TUT4: variants seen among roughly 807,000 people sequenced by gnomAD.
TUT4 encodes terminal uridylyltransferase 4.
A neutral mutation model predicts 192.2 loss-of-function variants in TUT4; 36 were observed. The ratio of observed to expected loss-of-function variants is 0.19; its 90% CI spans 0.14 to 0.25. The LOEUF is 0.25. Ranked by LOEUF, TUT4 falls within the 10% of genes least tolerant of loss-of-function variation. The pLI, the probability that TUT4 is intolerant of heterozygous loss-of-function variation, is 1.00. For synonymous variants in TUT4, 618 were observed against 666.0 expected (o/e 0.93, Z 1.11); for missense variants, 1,493 against 1,957.2 (o/e 0.76, Z 4.47).
intron 4 of TUT4, among the ~76,000 whole-genome samples, chr1:52,505,103 A>C (rs555888377): frequency 6.6e-6 from 1 of 152,258 alleles, no homozygotes; most frequent in African/African-American, 2.4e-5. Flanking sequence ...CCAGAAGTGA[A>C]ATTACTGGAT....
At chr1:52,448,358 C>A (rs534580850) in intron 20 of TUT4, among the ~76,000 whole-genome samples, 1 of 152,058 alleles carries the variant, frequency 6.6e-6, no homozygotes, top group African/African-American at 2.4e-5. Context: ...GAGGCCGAGG[C>A]AGGCGGATCA....
intron 20 of TUT4, among the ~76,000 whole-genome samples, chr1:52,450,788 T>G (rs1659149638): frequency 6.6e-6 from 1 of 152,180 alleles, no homozygotes; most frequent in Non-Finnish European, 1.5e-5. Context: ...GGTATTTCTA[T>G]TACTTCATGC....
At chr1:52,483,027 AG>A (rs1668889774) in intron 9 of TUT4, among the ~76,000 whole-genome samples, 2 of 152,224 alleles carry the variant, frequency 1.3e-5, no homozygotes, top group South Asian at 4.1e-4. Flanking sequence ...CTAGGAACCC[AG>A]GTGTGTTCAC....
At chr1:52,473,506 T>C (rs1374561093) in intron 13 of TUT4, among the ~76,000 whole-genome samples, 2 of 152,206 alleles carry the variant, frequency 1.3e-5, no homozygotes, top group East Asian at 1.9e-4. Context: ...GTGATAATAA[T>C]ATATATACTT....
intron 1 of TUT4, among the ~76,000 whole-genome samples, chr1:52,545,296 GA>G (rs1687771562): frequency 6.6e-6 from 1 of 150,774 alleles, no homozygotes; most frequent in Admixed American, 6.6e-5. Flanking sequence ...AGAATTGCTT[GA>G]GCCTGGGAGC....
At chr1:52,516,671 A>G (rs753425624) in intron 2 of TUT4, among the ~76,000 whole-genome samples, 2 of 152,218 alleles carry the variant, frequency 1.3e-5, no homozygotes, top group Non-Finnish European at 2.9e-5. Context: ...TTCTCCCACC[A>G]GCGCGATTTT....
rs748083538 is a variant in TUT4 at position 52,458,315 on chromosome 1, A to G, written c.3435+21T>C. ...TATTGTTTTCAAAAAAAACTCCTTTATAGTTTTCTTAAACACCTACCTCTT... is the reference window on the plus strand; with the variant it reads ...TATTGTTTTCAAAAAAAACTCCTTTGTAGTTTTCTTAAACACCTACCTCTT... On this transcript the variant is annotated intron_variant, in intron 20 of 29. Transcript: ENST00000257177. The G allele has an allele frequency of 2.5e-6, 4 of 1,585,546 alleles. No individual in the cohort carries two copies. The East Asian group carries it at 6.7e-5, about 27-fold the overall frequency.
rs1400606686 is a variant in TUT4, at chr1:52,423,673, ATCAC to A, written c.*258_*261del. On this transcript the variant is annotated 3_prime_UTR_variant, in exon 30 of 30. Transcript: ENST00000257177. ...GGGTAATAAAATAGATGAAATTTGT[ATCAC>A]TCAATTTGGTGATACTAGTAAAAAC... The A allele has an allele frequency of 3.2e-6, 2 of 627,094 alleles. No individual in the cohort carries two copies. The highest frequency in any genetic ancestry group is 5.0e-6 in the Non-Finnish European group (2 of 397,434). The allele number at this position is 627,094 out of a possible 1,614,324, so 38.8% of individuals were successfully genotyped here.
intron 1 of TUT4, among the ~76,000 whole-genome samples, chr1:52,552,274 C>T (rs1433267929): frequency 6.6e-6 from 1 of 152,190 alleles, no homozygotes; most frequent in Non-Finnish European, 1.5e-5. Flanking sequence ...TTCGCAGAGG[C>T]GTGCAACACA....
intron 4 of TUT4, among the ~76,000 whole-genome samples, chr1:52,497,511 C>A (rs1008301015): frequency 5.3e-5 from 8 of 152,214 alleles, no homozygotes; most frequent in South Asian, 4.1e-4. Flanking sequence ...TGCACCAAGG[C>A]AGATTGTCTT....
chr1:52,508,195 G>C (rs754877026), intron 4 of TUT4, among the ~76,000 whole-genome samples: 2 of 151,792 alleles, frequency 1.3e-5, no homozygotes, highest in Non-Finnish European at 2.9e-5. Context: ...AGCCAGGCAT[G>C]GTATGCCTGT....
intron 1 of TUT4, among the ~76,000 whole-genome samples, chr1:52,548,717 C>T (rs986379755): frequency 6.6e-5 from 10 of 152,132 alleles, no homozygotes; most frequent in Non-Finnish European, 5.9e-5. Flanking sequence ...ATCAAATATC[C>T]ACTTAAAGCA....
chr1:52,520,831 T>C (rs1680051531), intron 2 of TUT4, among the ~76,000 whole-genome samples: 1 of 152,100 alleles, frequency 6.6e-6, no homozygotes, highest in African/African-American at 2.4e-5. Flanking sequence ...TCGCTCTTGG[T>C]GTCCAAGCTG....
intron 27 of TUT4, chr1:52,431,751 T>A (rs1026848161): frequency 4.9e-6 from 1 of 203,054 alleles, no homozygotes; most frequent in African/African-American, 2.3e-5. Context: ...ATAGTCACTT[T>A]CATTCAGTCC....
intron 3 of TUT4, among the ~76,000 whole-genome samples, chr1:52,511,286 T>G (rs1397319848): frequency 1.3e-5 from 2 of 152,174 alleles, no homozygotes. Flanking sequence ...AGCATAAAAA[T>G]TCTGTCAAAT....
intron 4 of TUT4, among the ~76,000 whole-genome samples, chr1:52,498,808 A>G (rs1570980368): frequency 2.0e-5 from 3 of 147,382 alleles, no homozygotes; most frequent in East Asian, 2.0e-4. Flanking sequence ...AATCGTTTCA[A>G]CCTCGGAGGT....
rs1670438587 is a variant in TUT4 at position 52,488,785 on chromosome 1, AACT to A, written c.1515+121_1515+123del. The A allele has an allele frequency of 5.5e-6, 6 of 1,091,698 alleles. No individual in the cohort carries two copies. The South Asian group carries it at 7.6e-5, about 14-fold the overall frequency. 67.6% of individuals were successfully genotyped at this position (1,091,698 alleles called of 1,614,324 possible). A position where few individuals can be genotyped will look rare whatever the true frequency, so the allele number is the denominator to read the frequency against. ...CACCAACTTTCTGTCTAGCACAGAA[AACT>A]ACTTTCTCCCACATGTTATGATTGA... On this transcript the variant is annotated intron_variant, in intron 9 of 29. Coordinates refer to ENST00000257177, the MANE Select transcript of TUT4 (RefSeq NM_001009881.3).
chr1:52,438,442 A>G, intron 24 of TUT4, 107 bp from the exon 25 acceptor site: 1 of 710,464 alleles, frequency 1.4e-6, no homozygotes, highest in Non-Finnish European at 2.4e-6. Context: ...AAAGAAAATA[A>G]CAGCAACAAA....
At chr1:52,521,703 C>A (rs757508438) in intron 2 of TUT4, among the ~76,000 whole-genome samples, 2 of 150,094 alleles carry the variant, frequency 1.3e-5, no homozygotes, top group African/African-American at 2.5e-5. Context: ...CAGTGGCTCA[C>A]GCCTGTAATC....
Sources: allele counts gnomAD v4.1 joint callset (sites outside exome capture counted in the v4.1 genomes callset), GRCh38; gene constraint gnomAD v4.1.1; transcripts MANE v1.5; gene names NCBI Gene and HGNC (gene_info 2026-07-23, HGNC 2026-07-21).